The following KIF26A variants were observed in gnomAD, a reference collection of about 807,000 sequenced individuals.
The protein encoded by KIF26A is kinesin family member 26A, also known as kinesin-like protein KIF26A.
KIF26A carries 74 observed loss-of-function variants against 126.0 expected under a neutral mutation model. The ratio of observed to expected loss-of-function variants is 0.59; its 90% CI spans 0.49 to 0.71. The LOEUF is 0.71. Among genes scored for constraint, KIF26A ranks in the 30% least tolerant of loss-of-function variants. The probability of loss-of-function intolerance (pLI) is 0.00; values close to 1 mark genes in which losing one functional copy is unlikely to be tolerated. For missense variants in KIF26A, 2,984 were observed against 2,763.3 expected, an observed-to-expected ratio of 1.08 and a Z score of -1.79; for synonymous variants, 1,445 against 1,232.7, an observed-to-expected ratio of 1.17 and a Z score of -3.61.
At position 104,152,535 on chromosome 14, in the gene KIF26A, C is replaced by T; in HGVS notation, c.735+74C>T. On this transcript the variant is annotated intron_variant, in intron 3 of 14. Coordinates refer to ENST00000423312, the MANE Select transcript of KIF26A (RefSeq NM_015656.2). The surrounding 1 kb of genome is among the most constrained non-coding windows in gnomAD (Gnocchi z 5.9). ...CTGGGCTTCCTTCGGGGGTCTCTGT[C>T]CACGTTGAGTGCCCTGCAGTAAGGC... The T allele has an allele frequency of 7.2e-7, 1 of 1,391,406 alleles. No individual in the cohort carries two copies. Among genetic ancestry groups the T allele is most frequent in the East Asian group, 2.5e-5 (1 of 40,028 alleles). 86.2% of individuals were successfully genotyped at this position (1,391,406 alleles called of 1,614,324 possible).
In KIF26A at chr14:104,152,711, C is replaced by G. The variant is rs1285418758; in HGVS notation, c.735+250C>G. Among the ~76,000 whole-genome samples, 2 of 152,198 alleles carry G rather than the reference C, an allele frequency of 1.3e-5. No individual in the cohort carries two copies. The highest frequency in any genetic ancestry group is 2.9e-5 in the Non-Finnish European group (2 of 68,020). The stretch of plus-strand genomic sequence containing the variant: ...TCTGGGAGCACGTGCCCCTCCCTGT[C>G]TGTCTTTTGAGACTGGGGCTGAGGG... On this transcript the variant is annotated intron_variant, in intron 3 of 14. Coordinates refer to ENST00000423312, the MANE Select transcript of KIF26A (RefSeq NM_015656.2). The surrounding 1 kb of genome is among the most constrained non-coding windows in gnomAD (Gnocchi z 5.9).
chr14:104,144,172 G>A (rs941108882), intron 2 of KIF26A, among the ~76,000 whole-genome samples: 3 of 152,224 alleles, frequency 2.0e-5, no homozygotes, highest in Non-Finnish European at 4.4e-5. Context: ...TGTCTCTCTT[G>A]CTTCTTTGGG....
Position 104,178,742 on chromosome 14 carries a change from A to C in KIF26A, c.5303A>C (p.Glu1768Ala), listed in dbSNP as rs377338734. The C allele has an allele frequency of 5.9e-6, 9 of 1,530,108 alleles. No homozygotes were observed. Among genetic ancestry groups the C allele is most frequent in the East Asian group, 4.9e-5 (2 of 40,842 alleles). The allele number at this position is 1,530,108 out of a possible 1,614,324, so 94.8% of individuals were successfully genotyped here. ...CAGCGGCCCCGCCCCACCCCGAGGG[A>C]GGCCCCCACCCAGGTAGGGCCTTTG... is the stretch of plus-strand genomic sequence containing the variant. ...RLQRPRPTPREAPTQGLACVS... is the reference protein window; with the variant it reads ...RLQRPRPTPRAAPTQGLACVS... The change falls in exon 13 of 15, where the codon GAG becomes GCG. Residue 1768 changes from glutamate to alanine, a missense_variant. Coordinates refer to ENST00000423312, the MANE Select transcript of KIF26A (RefSeq NM_015656.2).
At chr14:104,146,081 C>T (rs890216683) in intron 2 of KIF26A, among the ~76,000 whole-genome samples, 2 of 152,242 alleles carry the variant, frequency 1.3e-5, no homozygotes, top group Non-Finnish European at 2.9e-5. Flanking sequence ...GTTGGAACCC[C>T]AGCTCTGCGA....
chr14:104,152,152 GCTGCAGGCCCCTGCCAGC>G lies in KIF26A; in HGVS notation c.428_445del (p.Leu143_Ser148del). 6.2e-7 allele frequency: 1 copy of G among 1,610,338 alleles called. No individual in the cohort carries two copies. The highest frequency in any genetic ancestry group is 8.5e-7 in the Non-Finnish European group (1 of 1,179,302). On this transcript the variant is annotated inframe_deletion, in exon 3 of 15. Transcript: ENST00000423312. The surrounding 1 kb of genome is among the most constrained non-coding windows in gnomAD (Gnocchi z 5.9). The stretch of plus-strand genomic sequence containing the variant: ...AGCTCACACGGGAGGCCATGCACCT[GCTGCAGGCCCCTGCCAGC>G]CATGAGGACCTTGACGCCCCCCATG...
Position 104,173,737 on chromosome 14 carries a change from C to T in KIF26A, c.1899C>T (p.Ile633=), listed in dbSNP as rs749498355. 90 of 1,611,196 alleles carry T rather than the reference C, an allele frequency of 5.6e-5. 3 individuals carry two copies. In the Middle Eastern group the frequency reaches 6.5e-3, roughly 116 times the overall value. ...MSGGRSRLHL[I]DLGSCEAAAG... ...GAGGCCGCAGCCGCCTGCACCTCAT[C>T]GACCTGGGCAGCTGTGAGGCGGCGG... The change falls in exon 10 of 15, where the codon ATC becomes ATT. Residue 633 remains isoleucine, a synonymous_variant. Transcript: ENST00000423312.
At chr14:104,158,050 C>CTGCTGA in intron 4 of KIF26A, 108 bp downstream of exon 4, 1 of 1,086,148 alleles carries the variant, frequency 9.2e-7, no homozygotes, top group Non-Finnish European at 1.3e-6. Flanking sequence ...GGCATGCTTG[C>CTGCTGA]TGCTGAGACG....
chr14:104,142,268 G>C (rs1269421132), intron 2 of KIF26A, among the ~76,000 whole-genome samples: 1 of 152,156 alleles, frequency 6.6e-6, no homozygotes. Flanking sequence ...TCTGAGAAGG[G>C]TGCTTGGCCC....
intron 2 of KIF26A, among the ~76,000 whole-genome samples, chr14:104,142,773 C>T (rs1466291006): frequency 6.6e-6 from 1 of 152,258 alleles, no homozygotes; most frequent in African/African-American, 2.4e-5. Context: ...GTTTCCCCCA[C>T]AAGCAGGAGC....
At chr14:104,159,993 G>A (rs867207254) in intron 4 of KIF26A, among the ~76,000 whole-genome samples, 5 of 152,154 alleles carry the variant, frequency 3.3e-5, no homozygotes, top group Non-Finnish European at 7.4e-5. Context: ...TCTTGGGCAC[G>A]TGCTGAGGGT....
intron 4 of KIF26A, among the ~76,000 whole-genome samples, chr14:104,163,670 G>A (rs2037852889): frequency 6.6e-6 from 1 of 151,800 alleles, no homozygotes; most frequent in African/African-American, 2.4e-5. Context: ...TCACGAACCT[G>A]GGACCCCAGT....
Position 104,176,193 on chromosome 14 carries a change from C to A in KIF26A, c.3405C>A (p.Pro1135=). 1 of 1,599,494 alleles carries A rather than the reference C, an allele frequency of 6.3e-7. No individual in the cohort carries two copies. Among genetic ancestry groups the A allele is most frequent in the East Asian group, 2.3e-5 (1 of 44,178 alleles). ...RDPTPQPRFS[P]DSLAGLDPGG... ...CCACGCCGCAGCCCCGCTTCAGCCC[C>A]GACTCGCTGGCAGGGCTTGACCCTG... The change falls in exon 12 of 15, where the codon CCC becomes CCA. Residue 1135 remains proline, a synonymous_variant. Coordinates refer to ENST00000423312, the MANE Select transcript of KIF26A (RefSeq NM_015656.2).
Position 104,177,771 on chromosome 14 carries a change from G to A in KIF26A, c.4983G>A (p.Glu1661=), listed in dbSNP as rs1485148296. Residue 1661 remains glutamate, a synonymous_variant, in exon 12 of 15, where the codon GAG becomes GAA. Coordinates refer to ENST00000423312, the MANE Select transcript of KIF26A (RefSeq NM_015656.2). ...ACAGCGGTGGCAGCAGTGGCTATGA[G>A]AGCCTGCGGCGCGACAGCGAGGCCA... is the stretch of plus-strand genomic sequence containing the variant. ...FHHSGGSSGY[E]SLRRDSEATG... 1.3e-6 allele frequency: 2 copies of A among 1,548,172 alleles called. No individual in the cohort carries two copies. Among genetic ancestry groups the A allele is most frequent in the African/African-American group, 1.4e-5 (1 of 73,528 alleles).
rs1657138588 is a variant in KIF26A at position 104,151,637 on chromosome 14, G to A, written c.289-378G>A. Among the ~76,000 whole-genome samples, 1 of 152,224 alleles carries A rather than the reference G, an allele frequency of 6.6e-6. No homozygotes were observed. The highest frequency in any genetic ancestry group is 6.5e-5 in the Admixed American group (1 of 15,286). On this transcript the variant is annotated intron_variant, in intron 2 of 14. Transcript: ENST00000423312. This position sits in a 1 kb window ranked among gnomAD's most constrained non-coding sequence, Gnocchi z 4.9. ...GGGTGAGGGAGGCCCTCGTGGCTCTGAAGAGACGTTGCTTTTAAGGGGCCC... is the reference window on the plus strand; with the variant it reads ...GGGTGAGGGAGGCCCTCGTGGCTCTAAAGAGACGTTGCTTTTAAGGGGCCC...
intron 2 of KIF26A, among the ~76,000 whole-genome samples, chr14:104,147,703 A>G (rs184364596): frequency 6.6e-6 from 1 of 152,232 alleles, no homozygotes; most frequent in East Asian, 1.9e-4. Flanking sequence ...CCCTTCCTGG[A>G]CCTGTTGTCA....
Position 104,177,831 on chromosome 14 carries a change from C to A in KIF26A, c.5043C>A (p.Ser1681Arg). 6.4e-7 allele frequency: 1 copy of A among 1,568,668 alleles called. No individual in the cohort carries two copies. Among genetic ancestry groups the A allele is most frequent in the South Asian group, 1.1e-5 (1 of 87,020 alleles). ...CCTCCTCCGCCCCTGACTCCATGAG[C>A]GAGAGTGGGGCTGCCTCCCCAGGCG... The part of the protein sequence containing the change: ...GSASSAPDSM[S>R]ESGAASPGAR... Residue 1681 changes from serine to arginine, a missense_variant, in exon 12 of 15, where the codon AGC becomes AGA. Ser to Arg is a moderately radical substitution (Grantham distance 110, BLOSUM62 -1). Transcript: ENST00000423312.
At chr14:104,143,238 C>T (rs1435345516) in intron 2 of KIF26A, among the ~76,000 whole-genome samples, 1 of 152,242 alleles carries the variant, frequency 6.6e-6, no homozygotes, top group East Asian at 1.9e-4. Context: ...TGGTGCCACG[C>T]AGCTGAACAG....
In KIF26A at chr14:104,172,595, C is replaced by G. The variant is rs1247517494; in HGVS notation, c.1347C>G (p.Thr449=). 6.2e-7 allele frequency: 1 copy of G among 1,612,970 alleles called. No individual in the cohort carries two copies. Among genetic ancestry groups the G allele is most frequent in the Non-Finnish European group, 8.5e-7 (1 of 1,179,706 alleles). The part of the protein sequence containing the change: ...DSEQAEVCSG[T]VADVLQSVVS... ...CCTAGGCCGAAGTCTGCTCGGGGAC[C>G]GTGGCCGACGTGCTCCAGTCGGTGG... The change falls in exon 7 of 15, where the codon ACC becomes ACG. Residue 449 remains threonine (T), a synonymous_variant. Coordinates refer to ENST00000423312, the MANE Select transcript of KIF26A (RefSeq NM_015656.2).
chr14:104,165,281 G>A (rs2037877132), intron 4 of KIF26A, among the ~76,000 whole-genome samples: 1 of 151,606 alleles, frequency 6.6e-6, no homozygotes, highest in African/African-American at 2.4e-5. Context: ...CTCTATGCAT[G>A]TGTGTGTCTC....
Sources: gnomAD v4.1 joint callset for allele counts (sites outside exome capture counted in the v4.1 genomes callset) on GRCh38, gnomAD v4.1.1 for gene constraint, Gnocchi (gnomAD v3.1) non-coding constraint, MANE v1.5 for transcripts, NCBI Gene and HGNC (gene_info 2026-07-23, HGNC 2026-07-21) for gene names.